Variants in CBLIF observed in about 807,000 individuals in gnomAD.
CBLIF encodes cobalamin binding intrinsic factor, also known as gastric intrinsic factor (vitamin B synthesis).
Under a neutral mutation model 44.9 loss-of-function variants are expected in CBLIF, and 24 were observed. The ratio of observed to expected loss-of-function variants is 0.53; its 90% CI spans 0.39 to 0.75. The LOEUF is 0.75. Ranked by LOEUF, CBLIF falls within the 30% of genes least tolerant of loss-of-function variation. The pLI is 0.00. For missense variants in CBLIF, 481 were observed against 513.0 expected (o/e 0.94, Z 0.60); for synonymous variants, 183 against 190.9 (o/e 0.96, Z 0.34).
intron 5 of CBLIF, 128 bp downstream of exon 5, chr11:59,841,015 A>T (rs1329416817): frequency 1.3e-6 from 1 of 792,798 alleles, no homozygotes; most frequent in East Asian, 2.4e-5. Context: ...CCCAGGCACC[A>T]CAAAGAATAT....
chr11:59,830,259 C>T (rs1395536399), intron 8 of CBLIF, among the ~76,000 whole-genome samples: 9 of 104,936 alleles, frequency 8.6e-5, no homozygotes, highest in African/African-American at 2.5e-4. Context: ...TTTTTTGAAA[C>T]GGAGTCTCGC....
At chr11:59,845,216 T>C in intron 1 of CBLIF, 159 bp downstream of exon 1, 1 of 987,958 alleles carries the variant, frequency 1.0e-6, no homozygotes, top group Non-Finnish European at 1.5e-6. Flanking sequence ...ACTTATGCTA[T>C]TAAGTCAGGA....
chr11:59,831,197 T>C (rs555897564), intron 8 of CBLIF, among the ~76,000 whole-genome samples: 5 of 152,198 alleles, frequency 3.3e-5, no homozygotes, highest in Non-Finnish European at 7.3e-5. Flanking sequence ...CTTCCCACTT[T>C]CTCCTAATTT....
chr11:59,836,242 G>C (rs950234469), intron 6 of CBLIF, among the ~76,000 whole-genome samples: 1 of 152,186 alleles, frequency 6.6e-6, no homozygotes, highest in Non-Finnish European at 1.5e-5. Context: ...AGTGAATGTG[G>C]TAGTTTTTGG....
intron 7 of CBLIF, among the ~76,000 whole-genome samples, chr11:59,834,249 TTTCTTTCTTTC>T (rs1565207378): frequency 7.4e-5 from 6 of 80,954 alleles, no homozygotes; most frequent in African/African-American, 2.9e-4. Context: ...TTTTTCTTTC[TTTCTTTCTTTC>T]TTTCTTTCTT....
intron 3 of CBLIF, chr11:59,842,800 G>A (rs977427677): frequency 7.8e-6 from 5 of 641,994 alleles, no homozygotes; most frequent in Admixed American, 2.5e-5. Flanking sequence ...CTTTAGACAG[G>A]TGATGGCTGG....
At chr11:59,837,420 T>C in intron 5 of CBLIF, 69 bp from the exon 6 acceptor site, 4 of 1,131,640 alleles carry the variant, frequency 3.5e-6, no homozygotes, top group Non-Finnish European at 4.0e-6. Flanking sequence ...CTTACATGTC[T>C]TAAGAGATAA....
At chr11:59,844,350 G>A (rs1462210657) in intron 1 of CBLIF, among the ~76,000 whole-genome samples, 1 of 151,920 alleles carries the variant, frequency 6.6e-6, no homozygotes, top group Non-Finnish European at 1.5e-5. Flanking sequence ...GTTGGCCAGG[G>A]TAGTCTCGAA....
intron 7 of CBLIF, among the ~76,000 whole-genome samples, chr11:59,834,287 T>TCTTCCTTCCTTC (rs1565207466): frequency 2.1e-5 from 3 of 139,912 alleles, no homozygotes; most frequent in African/African-American, 8.2e-5. Flanking sequence ...TTTCTTTCTT[T>TCTTCCTTCCTTC]CTTTCTTTCT....
chr11:59,844,526 T>G (rs1005317292), intron 1 of CBLIF, among the ~76,000 whole-genome samples: 1 of 152,224 alleles, frequency 6.6e-6, no homozygotes, highest in South Asian at 2.1e-4. Flanking sequence ...GATTTTACTT[T>G]TGAGGACAAT....
chr11:59,844,130 T>C (rs1866576613), intron 1 of CBLIF, 75 bp from the exon 2 acceptor site: 2 of 1,190,314 alleles, frequency 1.7e-6, no homozygotes, highest in African/African-American at 3.0e-5. Flanking sequence ...GTGTCTTTGA[T>C]GCTTTTTCTT....
rs1217768879 is a variant in CBLIF, at chr11:59,838,833, T to G, written c.694-1482A>C. On this transcript the variant is annotated intron_variant, in intron 5 of 8. Coordinates refer to ENST00000257248, the MANE Select transcript of CBLIF (RefSeq NM_005142.3). Reference sequence around the variant, plus strand: ...ATCAAGAAGTTTATCAGTTCTCTTTTTCTTTTCTTTCTTTCTTTTTTTTTT... The same window carrying G: ...ATCAAGAAGTTTATCAGTTCTCTTTGTCTTTTCTTTCTTTCTTTTTTTTTT... 2.6e-5 allele frequency among the ~76,000 whole-genome samples: 4 copies of G among 151,450 alleles called. No individual in the cohort carries two copies. In the South Asian group the frequency reaches 8.3e-4, roughly 31 times the overall value.
rs1221812805 is a variant in CBLIF, at chr11:59,843,904, G to C, written c.231C>G (p.Tyr77Ter). 1 of 1,613,640 alleles carries C rather than the reference G, an allele frequency of 6.2e-7. No homozygotes were observed. The highest frequency in any genetic ancestry group is 2.2e-5 in the East Asian group (1 of 44,884). ...YNLKAQKLLT[Y>*]QLMSSDNNDL... The stretch of plus-strand genomic sequence containing the variant: ...CGTTGTTGTCGCTGGACATGAGCTG[G>C]TAAGTCAGGAGCTTCTGGGCCTTCA... The change falls in exon 2 of 9, where the codon TAC becomes TAG. Residue 77 changes from tyrosine to a stop codon, truncating the protein, a stop_gained. Transcript: ENST00000257248. LOFTEE classifies it high-confidence loss of function.
At chr11:59,829,697 A>T (rs530286135) in intron 8 of CBLIF, 152 bp from the exon 9 acceptor site, 1 of 679,126 alleles carries the variant, frequency 1.5e-6, no homozygotes, top group Non-Finnish European at 2.8e-6. Flanking sequence ...TTTGATTATG[A>T]AGAGAAAATG....
At chr11:59,831,327 T>C (rs1866370946) in intron 8 of CBLIF, among the ~76,000 whole-genome samples, 1 of 152,148 alleles carries the variant, frequency 6.6e-6, no homozygotes. Context: ...ACATTTGTCC[T>C]AGAGTTTGGA....
At chr11:59,829,685 A>C (rs1196869367) in intron 8 of CBLIF, 140 bp from the exon 9 acceptor site, 1 of 687,446 alleles carries the variant, frequency 1.5e-6, no homozygotes, top group Non-Finnish European at 2.7e-6. Context: ...AGAAATAAGC[A>C]GTTTGATTAT....
intron 3 of CBLIF, 111 bp from the exon 4 acceptor site, chr11:59,842,694 C>T (rs915104187): frequency 2.8e-6 from 3 of 1,059,070 alleles, no homozygotes; most frequent in Non-Finnish European, 4.4e-6. Flanking sequence ...AAACCTGCCC[C>T]CAAAGAGAGA....
chr11:59,835,651 T>G, intron 7 of CBLIF, 157 bp downstream of exon 7: 75 of 692,636 alleles, frequency 1.1e-4, no homozygotes, highest in East Asian at 3.8e-4. Flanking sequence ...TAAGTTTTCA[T>G]GAGAGCCTTA....
rs1866590395 is a variant in CBLIF at position 59,845,315 on chromosome 11, C to A, written c.79+60G>T. On this transcript the variant is annotated intron_variant, in intron 1 of 8. Transcript: ENST00000257248. ...TTTTCAACCACTCAGTGTCAGAGGT[C>A]ACAGCCCCTTCCCCAGGGCAACTGC... The A allele has an allele frequency of 2.5e-6, 4 of 1,607,586 alleles. No individual in the cohort carries two copies. In the South Asian group the frequency reaches 3.3e-5, roughly 13 times the overall value.
Sources: gnomAD v4.1 joint callset for allele counts (sites outside exome capture counted in the v4.1 genomes callset) on GRCh38, gnomAD v4.1.1 for gene constraint, MANE v1.5 for transcripts, NCBI Gene and HGNC (gene_info 2026-07-23, HGNC 2026-07-21) for gene names.